The following PRDM5 variants were observed in gnomAD, a reference collection of about 807,000 sequenced individuals.
The protein encoded by PRDM5 is PR domain zinc finger protein 5.
A neutral mutation model predicts 81.2 loss-of-function variants in PRDM5; 56 were observed. That is an observed-to-expected ratio of 0.69 (90% CI 0.56 to 0.86). The LOEUF (loss-of-function observed/expected upper bound fraction) is 0.86, where lower values mean the gene tolerates loss of function less well. Ranked by LOEUF, PRDM5 falls within the 40% of genes least tolerant of loss-of-function variation. The probability of loss-of-function intolerance (pLI) is 0.00; values close to 1 mark genes in which losing one functional copy is unlikely to be tolerated. For missense variants in PRDM5, 697 were observed against 770.1 expected (o/e 0.91, Z 1.12); for synonymous variants, 267 against 256.4 (o/e 1.04, Z -0.39).
At chr4:120,804,362 T>G (rs1752595545) in intron 8 of PRDM5, among the ~76,000 whole-genome samples, 1 of 151,814 alleles carries the variant, frequency 6.6e-6, no homozygotes, top group Non-Finnish European at 1.5e-5. Flanking sequence ...AATAGACATC[T>G]ACAGAACTCT....
intron 3 of PRDM5, among the ~76,000 whole-genome samples, chr4:120,842,861 C>T (rs1459871852): frequency 1.3e-5 from 2 of 152,296 alleles, no homozygotes; most frequent in East Asian, 3.9e-4. Context: ...TTCTTCAGCC[C>T]TCTAGCCTTC....
Position 120,709,401 on chromosome 4 carries a change from AG to A in PRDM5, c.1728+907del, listed in dbSNP as rs761348828. Among the ~76,000 whole-genome samples the A allele has an allele frequency of 9.2e-5, 14 of 152,280 alleles. No individual in the cohort carries two copies. The South Asian group carries it at 2.9e-3, about 32-fold the overall frequency. On this transcript the variant is annotated intron_variant, in intron 15 of 15. Transcript: ENST00000264808. ...CTTAAAAGAAGTGTACTGTTAATAAAGGTATTTTTATGAGTATGCCCACTGG... is the reference window on the plus strand; with the variant it reads ...CTTAAAAGAAGTGTACTGTTAATAAAGTATTTTTATGAGTATGCCCACTGG...
intron 14 of PRDM5, among the ~76,000 whole-genome samples, chr4:120,753,424 T>C (rs1259595078): frequency 6.6e-6 from 1 of 152,108 alleles, no homozygotes; most frequent in Non-Finnish European, 1.5e-5. Context: ...TACTACAAAC[T>C]AGAGTGAGAA....
intron 3 of PRDM5, among the ~76,000 whole-genome samples, chr4:120,843,657 C>T (rs1379334882): frequency 1.4e-5 from 2 of 146,884 alleles, no homozygotes; most frequent in Non-Finnish European, 3.0e-5. Flanking sequence ...GGCCACTGCA[C>T]GCTGGTCAAC....
intron 2 of PRDM5, among the ~76,000 whole-genome samples, chr4:120,881,823 G>A (rs1336305695): frequency 6.6e-6 from 1 of 152,164 alleles, no homozygotes; most frequent in African/African-American, 2.4e-5. Context: ...TTGTTGGAAA[G>A]GCCATGTATT....
chr4:120,904,180 A>G lies in PRDM5; in HGVS notation c.177+3294T>C, dbSNP rs1388661214. 3.1e-5 allele frequency among the ~76,000 whole-genome samples: 3 copies of G among 96,494 alleles called. No individual in the cohort carries two copies. In the Admixed American group the frequency reaches 3.7e-4, roughly 12 times the overall value. 63.3% of individuals were successfully genotyped at this position (96,494 alleles called of 152,430 possible). A position where few individuals can be genotyped will look rare whatever the true frequency, so the allele number is the denominator to read the frequency against. On this transcript the variant is annotated intron_variant, in intron 2 of 15. Coordinates refer to ENST00000264808, the MANE Select transcript of PRDM5 (RefSeq NM_018699.4). ...ACTCCAGCCTGGGTGACAGAGGGAG[A>G]CTCCTTCTCAAAAAAAAAAAAAAAA...
intron 12 of PRDM5, among the ~76,000 whole-genome samples, chr4:120,778,879 TA>T: frequency 6.6e-6 from 1 of 152,252 alleles, no homozygotes; most frequent in Non-Finnish European, 1.5e-5. Context: ...GTAAAATATA[TA>T]ACATTTTAAC....
At chr4:120,812,027 G>A (rs896604292) in intron 7 of PRDM5, among the ~76,000 whole-genome samples, 12 of 151,728 alleles carry the variant, frequency 7.9e-5, no homozygotes, top group South Asian at 2.1e-4. Flanking sequence ...CCCCCTCCCC[G>A]CTACCCTTCC....
At chr4:120,855,290 C>T (rs1298974052) in intron 2 of PRDM5, among the ~76,000 whole-genome samples, 1 of 152,024 alleles carries the variant, frequency 6.6e-6, no homozygotes, top group East Asian at 1.9e-4. Flanking sequence ...CTGGGAAGCA[C>T]GAATTTAATT....
intron 8 of PRDM5, among the ~76,000 whole-genome samples, chr4:120,802,198 G>T (rs1578791013): frequency 6.6e-6 from 1 of 152,146 alleles, no homozygotes; most frequent in African/African-American, 2.4e-5. Flanking sequence ...TTTGTGCATT[G>T]ACTATCTCAT....
chr4:120,863,615 G>A (rs936004294), intron 2 of PRDM5, among the ~76,000 whole-genome samples: 1 of 152,032 alleles, frequency 6.6e-6, no homozygotes, highest in African/African-American at 2.4e-5. Context: ...TTAAAAAAAT[G>A]AGAAAAATCA....
intron 2 of PRDM5, among the ~76,000 whole-genome samples, chr4:120,891,400 G>T (rs1003290130): frequency 6.6e-6 from 1 of 151,968 alleles, no homozygotes; most frequent in African/African-American, 2.4e-5. Context: ...ATTTCTGATT[G>T]TGCTAATTTA....
chr4:120,827,403 G>A (rs534999841), intron 3 of PRDM5, among the ~76,000 whole-genome samples: 1 of 152,070 alleles, frequency 6.6e-6, no homozygotes, highest in Non-Finnish European at 1.5e-5. Context: ...AAAAGTCAGA[G>A]GTAGTGCCAT....
downstream of PRDM5, among the ~76,000 whole-genome samples, chr4:120,691,082 T>C (rs1734030533): frequency 6.6e-6 from 1 of 152,122 alleles, no homozygotes; most frequent in Admixed American, 6.6e-5. Context: ...ATTTTCTAAC[T>C]AAATATGAAC....
intron 13 of PRDM5, among the ~76,000 whole-genome samples, chr4:120,776,529 T>G (rs1748176654): frequency 6.6e-6 from 1 of 152,210 alleles, no homozygotes; most frequent in African/African-American, 2.4e-5. Flanking sequence ...TTCAGACTAA[T>G]GTAAAATCAT....
rs866584163 is a variant in PRDM5 at position 120,716,212 on chromosome 4, A to G, written c.1624-5799T>C. ...ATTAATTTAATATACTTCACTTACA[A>G]ATGTCGTTGAAATTATATTACCTTT... On this transcript the variant is annotated intron_variant, in intron 14 of 15. Coordinates refer to ENST00000264808, the MANE Select transcript of PRDM5 (RefSeq NM_018699.4). 2.0e-5 allele frequency among the ~76,000 whole-genome samples: 3 copies of G among 152,296 alleles called. No homozygotes were observed. The South Asian group carries it at 6.2e-4, about 32-fold the overall frequency.
At chr4:120,759,304 AT>A (rs1430900159) in intron 13 of PRDM5, among the ~76,000 whole-genome samples, 1 of 152,224 alleles carries the variant, frequency 6.6e-6, no homozygotes, top group Non-Finnish European at 1.5e-5. Context: ...TTTATAAGCA[AT>A]TTATTTGAAA....
At chr4:120,804,890 C>CA (rs1407208179) in intron 8 of PRDM5, among the ~76,000 whole-genome samples, 2 of 152,012 alleles carry the variant, frequency 1.3e-5, no homozygotes, top group East Asian at 1.9e-4. Context: ...AAAAACCCTT[C>CA]AAAAAATCAA....
chr4:120,827,226 T>G (rs1018843356), intron 3 of PRDM5, among the ~76,000 whole-genome samples: 1 of 152,190 alleles, frequency 6.6e-6, no homozygotes, highest in African/African-American at 2.4e-5. Flanking sequence ...TGTATCAGAC[T>G]GGTCATTTTG....
Sources: gnomAD v4.1 joint callset for allele counts (sites outside exome capture counted in the v4.1 genomes callset) on GRCh38, gnomAD v4.1.1 for gene constraint, MANE v1.5 for transcripts, NCBI Gene and HGNC (gene_info 2026-07-23, HGNC 2026-07-21) for gene names.